NBEA: variants seen among roughly 807,000 people sequenced by gnomAD.
NBEA encodes the protein lysosomal-trafficking regulator 2.
In NBEA, 44 loss-of-function variants were observed where a neutral mutation model predicts 343.4. That is an observed-to-expected ratio of 0.13 (90% confidence interval 0.10 to 0.16). The LOEUF is 0.16. Among genes scored for constraint, NBEA ranks in the 10% least tolerant of loss-of-function variants. NBEA has a pLI of 1.00. For missense variants in NBEA, 2,555 were observed against 3,631.3 expected, an observed-to-expected ratio of 0.70 and a Z score of 7.62; for synonymous variants, 1,175 against 1,238.7, an observed-to-expected ratio of 0.95 and a Z score of 1.08.
intron 36 of NBEA, among the ~76,000 whole-genome samples, chr13:35,336,291 C>T (rs2039254006): frequency 6.6e-6 from 1 of 152,000 alleles, no homozygotes; most frequent in Admixed American, 6.6e-5. Context: ...AAAAGTACGA[C>T]CCACACACAG....
At chr13:35,277,934 A>G (rs981239209) in intron 34 of NBEA, among the ~76,000 whole-genome samples, 25 of 151,540 alleles carry the variant, frequency 1.6e-4, no homozygotes, top group African/African-American at 5.6e-4. Context: ...TAAAAAATAC[A>G]AAACTTAGCC....
chr13:35,145,089 A>G (rs2068334859), intron 18 of NBEA, among the ~76,000 whole-genome samples: 1 of 152,218 alleles, frequency 6.6e-6, no homozygotes, highest in African/African-American at 2.4e-5. Flanking sequence ...ATATAAGAAC[A>G]ACAGGTGTGG....
intron 31 of NBEA, among the ~76,000 whole-genome samples, chr13:35,197,778 G>A (rs1190667851): frequency 2.6e-5 from 4 of 152,154 alleles, no homozygotes; most frequent in South Asian, 2.1e-4. Context: ...AGGATTACAG[G>A]CGTGCGCCAC....
chr13:35,462,158 C>T (rs932240560), intron 40 of NBEA, among the ~76,000 whole-genome samples: 5 of 152,040 alleles, frequency 3.3e-5, no homozygotes, highest in Admixed American at 3.3e-4. Flanking sequence ...ATATAAGTAT[C>T]GGATATCAAC....
intron 38 of NBEA, among the ~76,000 whole-genome samples, chr13:35,391,854 C>CT (rs1405651593): frequency 1.3e-5 from 2 of 152,112 alleles, no homozygotes; most frequent in African/African-American, 4.8e-5. Flanking sequence ...TTCTTACTAA[C>CT]TTTTCCTCAG....
intron 41 of NBEA, among the ~76,000 whole-genome samples, chr13:35,531,035 C>A (rs1281346580): frequency 1.3e-5 from 2 of 152,228 alleles, no homozygotes; most frequent in East Asian, 3.9e-4. Flanking sequence ...GAAATAAATT[C>A]AAAAATCAGA....
At chr13:35,562,198 A>G (rs1440714762) in intron 44 of NBEA, among the ~76,000 whole-genome samples, 2 of 152,110 alleles carry the variant, frequency 1.3e-5, no homozygotes, top group African/African-American at 2.4e-5. Context: ...ACTATTTTTG[A>G]AACACTTGAT....
rs2063423850 is a variant in NBEA at position 35,060,432 on chromosome 13, G to A, written c.1239+1569G>A. On this transcript the variant is annotated intron_variant, in intron 8 of 58. Transcript: ENST00000379939. ...AGCAGTGATAATGAGCAGTAACCCT[G>A]TCATCATGTGTACACAGCTCATGTG... 2.0e-5 allele frequency among the ~76,000 whole-genome samples: 3 copies of A among 151,708 alleles called. No homozygotes were observed. The Admixed American group carries it at 2.0e-4, about 10-fold the overall frequency.
intron 38 of NBEA, among the ~76,000 whole-genome samples, chr13:35,389,962 T>A (rs1355468243): frequency 7.4e-6 from 1 of 135,474 alleles, no homozygotes; most frequent in Non-Finnish European, 1.6e-5. Flanking sequence ...GGTTTATGTC[T>A]TTTGTAGAGT....
intron 28 of NBEA, 76 bp downstream of exon 28, chr13:35,177,179 C>CT: frequency 2.6e-6 from 3 of 1,152,914 alleles, no homozygotes; most frequent in African/African-American, 1.5e-5. Flanking sequence ...TATAAGAAAG[C>CT]TGCTTATGAA....
chr13:35,440,575 A>G (rs1398529609), intron 39 of NBEA, among the ~76,000 whole-genome samples: 2 of 152,234 alleles, frequency 1.3e-5, no homozygotes, highest in Non-Finnish European at 2.9e-5. Context: ...AAGGGAGCAC[A>G]TAATACAACA....
At chr13:35,287,048 A>G (rs887031812) in intron 34 of NBEA, among the ~76,000 whole-genome samples, 2 of 152,020 alleles carry the variant, frequency 1.3e-5, no homozygotes, top group African/African-American at 2.4e-5. Context: ...AATATATTCA[A>G]AAGCACTTAA....
intron 33 of NBEA, among the ~76,000 whole-genome samples, chr13:35,228,720 T>G (rs573594320): frequency 7.9e-4 from 120 of 152,142 alleles, no homozygotes; most frequent in Non-Finnish European, 1.3e-3. Context: ...GAGTTTACAC[T>G]TACTATTAAG....
intron 35 of NBEA, among the ~76,000 whole-genome samples, chr13:35,308,484 A>G (rs1460972705): frequency 9.1e-5 from 11 of 121,358 alleles, no homozygotes; most frequent in African/African-American, 3.4e-4. Context: ...GTATATATAT[A>G]TGTGTATATA....
At chr13:35,244,783 A>C (rs2030923760) in intron 34 of NBEA, among the ~76,000 whole-genome samples, 1 of 152,050 alleles carries the variant, frequency 6.6e-6, no homozygotes, top group East Asian at 1.9e-4. Flanking sequence ...GTTTGTGTTT[A>C]TGATTTCCTT....
chr13:35,581,989 A>G (rs2081070850), intron 45 of NBEA, among the ~76,000 whole-genome samples: 1 of 152,128 alleles, frequency 6.6e-6, no homozygotes, highest in Non-Finnish European at 1.5e-5. Flanking sequence ...TTTTAAATGA[A>G]AAACTCATTA....
chr13:35,032,097 A>G (rs2152550222), intron 1 of NBEA, among the ~76,000 whole-genome samples: 1 of 151,762 alleles, frequency 6.6e-6, no homozygotes, highest in South Asian at 2.1e-4. Context: ...TGTTAATAGT[A>G]CTACAGTGAA....
chr13:34,960,579 G>A (rs1486908076), intron 1 of NBEA, among the ~76,000 whole-genome samples: 1 of 152,004 alleles, frequency 6.6e-6, no homozygotes, highest in Non-Finnish European at 1.5e-5. Context: ...CTCTACAGGT[G>A]TACCATGTTT....
At chr13:35,223,414 T>G (rs1349153309) in intron 33 of NBEA, among the ~76,000 whole-genome samples, 2 of 152,174 alleles carry the variant, frequency 1.3e-5, no homozygotes, top group African/African-American at 4.8e-5. Context: ...CATATAAAAT[T>G]GTGGACTTAT....
Sources: allele counts gnomAD v4.1 joint callset (sites outside exome capture counted in the v4.1 genomes callset), GRCh38; gene constraint gnomAD v4.1.1; transcripts MANE v1.5; gene names NCBI Gene and HGNC (gene_info 2026-07-23, HGNC 2026-07-21).